Variants in GALNT13 observed in about 807,000 individuals in gnomAD.
GALNT13 encodes the protein UDP-GalNAc:polypeptide N-acetylgalactosaminyltransferase 13.
In GALNT13, 28 loss-of-function variants were observed where a neutral mutation model predicts 64.2. The ratio of observed to expected loss-of-function variants is 0.44; its 90% CI spans 0.32 to 0.60. The LOEUF (loss-of-function observed/expected upper bound fraction) is 0.60, where lower values mean the gene tolerates loss of function less well. Ranked by LOEUF, GALNT13 falls within the 20% of genes least tolerant of loss-of-function variation. The pLI is 0.05. For missense variants in GALNT13, 577 were observed against 669.8 expected, an observed-to-expected ratio of 0.86 and a Z score of 1.53; for synonymous variants, 214 against 224.6, an observed-to-expected ratio of 0.95 and a Z score of 0.42.
At chr2:153,068,766 T>C in the GALNT13 span, among the ~76,000 whole-genome samples, 5 of 152,324 alleles carry the variant, frequency 3.3e-5, no homozygotes, top group Admixed American at 3.3e-4. Flanking sequence ...AGCATAGGTA[T>C]AGACCCCAAA....
the GALNT13 span, among the ~76,000 whole-genome samples, chr2:153,442,872 T>G: frequency 1.3e-5 from 2 of 152,150 alleles, no homozygotes; most frequent in Non-Finnish European, 1.5e-5. Flanking sequence ...TACTCAAGCC[T>G]CAGTAATGGT....
the GALNT13 span, among the ~76,000 whole-genome samples, chr2:153,167,366 T>A: frequency 6.6e-6 from 1 of 152,224 alleles, no homozygotes; most frequent in Non-Finnish European, 1.5e-5. Context: ...TATTTTTCTT[T>A]TCCCCTCTTC....
chr2:153,418,629 C>T, the GALNT13 span, among the ~76,000 whole-genome samples: 9 of 152,192 alleles, frequency 5.9e-5, no homozygotes, highest in South Asian at 1.5e-3. Context: ...ATGGAGGTCA[C>T]GGATGACCTT....
the GALNT13 span, among the ~76,000 whole-genome samples, chr2:153,618,169 C>A: frequency 1.1e-4 from 16 of 151,776 alleles, no homozygotes; most frequent in Admixed American, 3.9e-4. Flanking sequence ...TACCTATAAA[C>A]TTCTCTCTGA....
intron 11 of GALNT13, among the ~76,000 whole-genome samples, chr2:154,423,036 A>T (rs147285860): frequency 6.6e-6 from 1 of 150,760 alleles, no homozygotes; most frequent in East Asian, 2.0e-4. Flanking sequence ...TACATTAGGT[A>T]TTTCTCCTAA....
intron 3 of GALNT13, among the ~76,000 whole-genome samples, chr2:154,062,027 A>G (rs1700214624): frequency 6.6e-6 from 1 of 152,152 alleles, no homozygotes; most frequent in Admixed American, 6.5e-5. Flanking sequence ...TTTCTTGAAA[A>G]TATCACTGTA....
chr2:153,262,489 C>T, the GALNT13 span, among the ~76,000 whole-genome samples: 1 of 152,012 alleles, frequency 6.6e-6, no homozygotes, highest in Non-Finnish European at 1.5e-5. Flanking sequence ...GGCAGAAATA[C>T]AACAAAAAAG....
intron 3 of GALNT13, among the ~76,000 whole-genome samples, chr2:154,088,760 AT>A (rs1701657088): frequency 6.6e-6 from 1 of 152,128 alleles, no homozygotes; most frequent in Non-Finnish European, 1.5e-5. Flanking sequence ...GTCAGTGCTT[AT>A]TTTAAAATGA....
At chr2:153,231,715 A>T in the GALNT13 span, among the ~76,000 whole-genome samples, 1 of 152,106 alleles carries the variant, frequency 6.6e-6, no homozygotes, top group African/African-American at 2.4e-5. Flanking sequence ...GCTGGTTCAT[A>T]ATTAGGATTA....
At chr2:154,020,547 G>A (rs1369783472) in intron 3 of GALNT13, among the ~76,000 whole-genome samples, 1 of 152,044 alleles carries the variant, frequency 6.6e-6, no homozygotes, top group Non-Finnish European at 1.5e-5. Flanking sequence ...TGATGGGGTT[G>A]TTTGTTTTTT....
At chr2:153,396,646 A>G in the GALNT13 span, among the ~76,000 whole-genome samples, 1 of 152,104 alleles carries the variant, frequency 6.6e-6, no homozygotes, top group African/African-American at 2.4e-5. Flanking sequence ...CAGGATGAAT[A>G]ATGTGACCAT....
At chr2:153,082,779 G>GAATAAATAAAATATATATTATTTATTT in the GALNT13 span, among the ~76,000 whole-genome samples, 1 of 141,318 alleles carries the variant, frequency 7.1e-6, no homozygotes, top group Non-Finnish European at 1.5e-5. Context: ...ATTATTTATT[G>GAATAAATAAAATATATATTATTTATTT]AATAAATAAA....
the GALNT13 span, among the ~76,000 whole-genome samples, chr2:153,786,917 C>T: frequency 1.3e-5 from 2 of 152,146 alleles, no homozygotes; most frequent in Non-Finnish European, 1.5e-5. Flanking sequence ...TCCCACTGTT[C>T]ATAAATAGGC....
chr2:153,423,175 G>T, the GALNT13 span, among the ~76,000 whole-genome samples: 1 of 151,696 alleles, frequency 6.6e-6, no homozygotes, highest in Non-Finnish European at 1.5e-5. Flanking sequence ...AAAGAATGAT[G>T]AATTTTTTTC....
chr2:153,717,505 A>G, the GALNT13 span, among the ~76,000 whole-genome samples: 1 of 152,216 alleles, frequency 6.6e-6, no homozygotes. Flanking sequence ...TTTTCCTCAG[A>G]ATAAAACCTT....
chr2:153,255,259 A>G, the GALNT13 span, among the ~76,000 whole-genome samples: 5 of 142,158 alleles, frequency 3.5e-5, no homozygotes, highest in East Asian at 2.0e-4. Flanking sequence ...TTGTTGGTTT[A>G]AAGTCTGTTT....
chr2:153,785,307 C>T, the GALNT13 span, among the ~76,000 whole-genome samples: 1 of 152,098 alleles, frequency 6.6e-6, no homozygotes, highest in African/African-American at 2.4e-5. Flanking sequence ...GGGTCCCCAA[C>T]CACCCTGGGC....
chr2:153,628,295 G>A, the GALNT13 span, among the ~76,000 whole-genome samples: 2,275 of 151,666 alleles, frequency 0.015, 53 homozygotes, highest in African/African-American at 0.052. Flanking sequence ...CTGCAAACAG[G>A]GACAATTTGA....
chr2:154,051,279 CTTTTTTTTTTT>C (rs34890901), intron 3 of GALNT13, among the ~76,000 whole-genome samples: 20 of 102,300 alleles, frequency 2.0e-4, no homozygotes, highest in Non-Finnish European at 3.4e-4. Flanking sequence ...CTTACTCCTT[CTTTTTTTTTTT>C]TTTTTTTTTT....
Sources: gnomAD v4.1 joint callset for allele counts (sites outside exome capture counted in the v4.1 genomes callset) on GRCh38, gnomAD v4.1.1 for gene constraint, MANE v1.5 for transcripts, NCBI Gene and HGNC (gene_info 2026-07-23, HGNC 2026-07-21) for gene names.